Variants in TLK1 observed in about 807,000 individuals in gnomAD.
TLK1 encodes tousled like kinase 1.
A neutral mutation model predicts 105.3 loss-of-function variants in TLK1; 24 were observed. That is an observed-to-expected ratio of 0.23 (90% CI 0.17 to 0.32). TLK1 has a LOEUF of 0.32. Among genes scored for constraint, TLK1 ranks in the 10% least tolerant of loss-of-function variants. The probability of loss-of-function intolerance (pLI) is 1.00; values close to 1 mark genes in which losing one functional copy is unlikely to be tolerated. For synonymous variants in TLK1, 321 were observed against 310.4 expected, an observed-to-expected ratio of 1.03 and a Z score of -0.36; for missense variants, 558 against 910.5, an observed-to-expected ratio of 0.61 and a Z score of 4.98.
intron 1 of TLK1, among the ~76,000 whole-genome samples, chr2:171,173,527 A>G (rs187462224): frequency 8.6e-5 from 13 of 151,996 alleles, no homozygotes; most frequent in Non-Finnish European, 1.9e-4. Flanking sequence ...AGCTAGGACT[A>G]CAAGTGTGCA....
intron 1 of TLK1, chr2:171,159,745 A>AT (rs1462380971): frequency 1.3e-5 from 2 of 152,418 alleles, no homozygotes; most frequent in Non-Finnish European, 2.9e-5. Context: ...GTCTGCCCAG[A>AT]TAATTTCAGC....
At chr2:171,081,717 G>T (rs983565867) in intron 3 of TLK1, 1 of 1,304,178 alleles carries the variant, frequency 7.7e-7, no homozygotes, top group Non-Finnish European at 1.0e-6. Flanking sequence ...TTCTGTGGAA[G>T]GGAAAGCCTG....
intron 1 of TLK1, among the ~76,000 whole-genome samples, chr2:171,207,324 G>A (rs929725843): frequency 3.3e-5 from 5 of 152,194 alleles, no homozygotes; most frequent in East Asian, 1.9e-4. Flanking sequence ...TTCCAACTAC[G>A]TGACATTCTG....
chr2:171,115,659 T>C (rs1320298915), intron 2 of TLK1, among the ~76,000 whole-genome samples: 1 of 152,200 alleles, frequency 6.6e-6, no homozygotes, highest in Non-Finnish European at 1.5e-5. Context: ...CAGTTGCATG[T>C]CTAGACTCTG....
At chr2:171,092,984 G>A (rs1689300260) in intron 2 of TLK1, among the ~76,000 whole-genome samples, 1 of 152,126 alleles carries the variant, frequency 6.6e-6, no homozygotes, top group African/African-American at 2.4e-5. Context: ...AGCAAGTCCA[G>A]AAGGACCACA....
chr2:171,135,498 T>C (rs955243199), intron 1 of TLK1, among the ~76,000 whole-genome samples: 2 of 151,896 alleles, frequency 1.3e-5, no homozygotes, highest in Non-Finnish European at 2.9e-5. Context: ...CAAGATCCTA[T>C]CTCTTAAAAA....
At chr2:171,191,806 C>G (rs543648713) in intron 1 of TLK1, among the ~76,000 whole-genome samples, 1 of 152,090 alleles carries the variant, frequency 6.6e-6, no homozygotes, top group Non-Finnish European at 1.5e-5. Flanking sequence ...GGCCAATATA[C>G]TTTCCTAAAT....
At chr2:170,997,847 A>G in intron 18 of TLK1, 24 bp from the exon 19 acceptor site, 1 of 1,426,122 alleles carries the variant, frequency 7.0e-7, no homozygotes, top group Non-Finnish European at 9.7e-7. Flanking sequence ...GGGAGAGAAA[A>G]AAGGTTACTA....
chr2:171,018,568 T>C (rs1559345352), intron 12 of TLK1, among the ~76,000 whole-genome samples: 2 of 152,184 alleles, frequency 1.3e-5, no homozygotes, highest in Non-Finnish European at 2.9e-5. Context: ...AGAAATAATC[T>C]TTTTCCAAGG....
chr2:171,136,182 T>C (rs1691314295), intron 1 of TLK1, among the ~76,000 whole-genome samples: 1 of 152,244 alleles, frequency 6.6e-6, no homozygotes, highest in South Asian at 2.1e-4. Flanking sequence ...TGGGTGAACC[T>C]TGAAGACGTT....
chr2:171,220,992 G>A (rs1448928633), intron 1 of TLK1, among the ~76,000 whole-genome samples: 1 of 152,008 alleles, frequency 6.6e-6, no homozygotes, highest in East Asian at 1.9e-4. Flanking sequence ...TTGAGACCAG[G>A]TTGGGCAAGT....
At chr2:171,122,612 T>C (rs1397978951) in intron 1 of TLK1, among the ~76,000 whole-genome samples, 1 of 152,104 alleles carries the variant, frequency 6.6e-6, no homozygotes, top group Admixed American at 6.5e-5. Flanking sequence ...GGCAAAATCA[T>C]ATAGATACTT....
At chr2:171,138,865 C>T (rs997273101) in intron 1 of TLK1, among the ~76,000 whole-genome samples, 2 of 152,038 alleles carry the variant, frequency 1.3e-5, no homozygotes, top group African/African-American at 2.4e-5. Context: ...AGTTACAACT[C>T]GTACAATACA....
Position 171,053,754 on chromosome 2 carries a change from T to C in TLK1, c.732+7A>G. On this transcript the variant is annotated splice_region_variant and intron_variant, in intron 8 of 20. Coordinates refer to ENST00000431350, the MANE Select transcript of TLK1 (RefSeq NM_012290.5). Reference sequence around the variant, plus strand: ...AATTTTTTTCCCCTCTATGACTCATTACTTACCCTGAGCAAATCATCTATA... The same window carrying C: ...AATTTTTTTCCCCTCTATGACTCATCACTTACCCTGAGCAAATCATCTATA... The C allele has an allele frequency of 1.3e-6, 2 of 1,593,118 alleles. No individual in the cohort carries two copies. Among genetic ancestry groups the C allele is most frequent in the Non-Finnish European group, 1.7e-6 (2 of 1,169,538 alleles).
chr2:171,115,541 C>A (rs1403408400), intron 2 of TLK1, among the ~76,000 whole-genome samples: 1 of 152,058 alleles, frequency 6.6e-6, no homozygotes, highest in Non-Finnish European at 1.5e-5. Flanking sequence ...ACTGACTCCA[C>A]CTAAGAATTC....
intron 1 of TLK1, among the ~76,000 whole-genome samples, chr2:171,135,839 A>C (rs1691297423): frequency 6.6e-6 from 1 of 152,228 alleles, no homozygotes; most frequent in African/African-American, 2.4e-5. Context: ...ATGTAAATAA[A>C]AAAATACAAT....
chr2:171,114,350 A>G (rs1376900825), intron 2 of TLK1, among the ~76,000 whole-genome samples: 5 of 152,196 alleles, frequency 3.3e-5, no homozygotes, highest in Non-Finnish European at 1.5e-5. Flanking sequence ...AGGCTTTTGA[A>G]CTGGGGAGAT....
intron 2 of TLK1, among the ~76,000 whole-genome samples, chr2:171,089,776 G>A (rs184579521): frequency 2.6e-5 from 4 of 152,238 alleles, no homozygotes; most frequent in Admixed American, 6.5e-5. Flanking sequence ...CTGGGCTCAC[G>A]TGATCCTCCC....
chr2:171,160,984 GGCGGCAGCGGCGGCC>G, upstream of TLK1: 1 of 198,272 alleles, frequency 5.0e-6, no homozygotes. The surrounding 1 kb of genome is among the most constrained non-coding windows in gnomAD (Gnocchi z 4.4). Flanking sequence ...CGGCGGCGGC[GGCGGCAGCGGCGGCC>G]GCGGGAGCAG....
Sources: gnomAD v4.1 joint callset for allele counts (sites outside exome capture counted in the v4.1 genomes callset) on GRCh38, gnomAD v4.1.1 for gene constraint, Gnocchi (gnomAD v3.1) non-coding constraint, MANE v1.5 for transcripts, NCBI Gene and HGNC (gene_info 2026-07-23, HGNC 2026-07-21) for gene names.